The following CTNNA3 variants were observed in gnomAD, a reference collection of about 807,000 sequenced individuals.
CTNNA3 encodes catenin alpha 3, also known as catenin alpha-3.
Under a neutral mutation model 95.7 loss-of-function variants are expected in CTNNA3, and 76 were observed. The ratio of observed to expected loss-of-function variants is 0.79; its 90% CI spans 0.66 to 0.96. CTNNA3 has a LOEUF of 0.96. CTNNA3 is among the 40% of genes least tolerant of loss of function. The pLI is 0.00. For missense variants in CTNNA3, 1,191 were observed against 1,089.8 expected (o/e 1.09, Z -1.31); for synonymous variants, 431 against 374.4 (o/e 1.15, Z -1.74).
intron 9 of CTNNA3, among the ~76,000 whole-genome samples, chr10:66,648,134 A>G (rs1207739520): frequency 2.0e-5 from 3 of 152,096 alleles, no homozygotes; most frequent in Non-Finnish European, 2.9e-5. Context: ...CATTGGCCTA[A>G]CAGCTCTCAA....
At chr10:66,788,694 A>C (rs960265360) in intron 7 of CTNNA3, among the ~76,000 whole-genome samples, 1 of 152,186 alleles carries the variant, frequency 6.6e-6, no homozygotes, top group Non-Finnish European at 1.5e-5. Context: ...ATATAGATTT[A>C]ACATTATGCA....
At chr10:66,543,102 G>A (rs1011530811) in intron 10 of CTNNA3, among the ~76,000 whole-genome samples, 43 of 152,114 alleles carry the variant, frequency 2.8e-4, no homozygotes, top group African/African-American at 9.9e-4. Flanking sequence ...AATTTTGTTT[G>A]TTTGTTTGTT....
intron 7 of CTNNA3, among the ~76,000 whole-genome samples, chr10:66,997,618 T>A (rs2132966183): frequency 6.6e-6 from 1 of 152,294 alleles, no homozygotes; most frequent in East Asian, 1.9e-4. Context: ...GGGTTCTGGA[T>A]GTTCTTCCCC....
At chr10:66,598,000 T>C (rs1392147954) in intron 10 of CTNNA3, among the ~76,000 whole-genome samples, 1 of 152,036 alleles carries the variant, frequency 6.6e-6, no homozygotes, top group Non-Finnish European at 1.5e-5. Flanking sequence ...ATATCCCTGA[T>C]AAATGTAGAT....
chr10:67,060,812 A>T (rs1409907315), intron 7 of CTNNA3, among the ~76,000 whole-genome samples: 1 of 152,066 alleles, frequency 6.6e-6, no homozygotes, highest in Non-Finnish European at 1.5e-5. Context: ...CTCCCAGTAC[A>T]AATGGTTGTG....
intron 13 of CTNNA3, among the ~76,000 whole-genome samples, chr10:66,117,945 G>GAAGAGAGAGAGA (rs2082408132): frequency 6.6e-6 from 1 of 152,144 alleles, no homozygotes; most frequent in African/African-American, 2.4e-5. Context: ...TTCTAAAGCA[G>GAAGAGAGAGAGA]CCCAAGAGAG....
At chr10:66,363,830 A>G (rs1002363855) in intron 12 of CTNNA3, among the ~76,000 whole-genome samples, 3 of 152,204 alleles carry the variant, frequency 2.0e-5, no homozygotes, top group East Asian at 3.9e-4. Context: ...AATAATAACA[A>G]CAATAATGTT....
chr10:66,449,438 T>C (rs1214397712), intron 11 of CTNNA3, among the ~76,000 whole-genome samples: 1 of 152,160 alleles, frequency 6.6e-6, no homozygotes, highest in Non-Finnish European at 1.5e-5. Context: ...GTGGTCAAAA[T>C]TACATGAAAC....
At chr10:66,463,879 C>A (rs920107310) in intron 11 of CTNNA3, among the ~76,000 whole-genome samples, 13 of 143,994 alleles carry the variant, frequency 9.0e-5, no homozygotes, top group Non-Finnish European at 1.5e-4. Flanking sequence ...GGAGCAGTCA[C>A]TTTCCAATTT....
intron 5 of CTNNA3, among the ~76,000 whole-genome samples, chr10:67,266,993 G>A (rs149274138): frequency 1.9e-4 from 29 of 152,196 alleles, no homozygotes; most frequent in African/African-American, 6.5e-4. Context: ...TTTTGTTGTT[G>A]AAAGCTTTTG....
At chr10:66,696,954 A>C (rs1235975733) in intron 9 of CTNNA3, among the ~76,000 whole-genome samples, 3 of 151,940 alleles carry the variant, frequency 2.0e-5, no homozygotes, top group African/African-American at 7.3e-5. Context: ...AAAATAAAAT[A>C]AAATGTTCTC....
chr10:67,146,126 T>A (rs966233427), intron 7 of CTNNA3, among the ~76,000 whole-genome samples: 2 of 152,170 alleles, frequency 1.3e-5, no homozygotes, highest in African/African-American at 4.8e-5. Flanking sequence ...ATCAGATACT[T>A]TCTTGAAATT....
At chr10:67,232,890 A>T (rs1477752512) in intron 5 of CTNNA3, among the ~76,000 whole-genome samples, 3 of 152,104 alleles carry the variant, frequency 2.0e-5, no homozygotes, top group African/African-American at 7.2e-5. Flanking sequence ...ACTTTAAACC[A>T]ACAAAGATCA....
Position 67,606,994 on chromosome 10 carries a change from G to T in CTNNA3, c.155C>A (p.Ser52Ter). 1 of 1,613,982 alleles carries T rather than the reference G, an allele frequency of 6.2e-7. No homozygotes were observed. Among genetic ancestry groups the T allele is most frequent in the Non-Finnish European group, 8.5e-7 (1 of 1,179,924 alleles). ...QNPSSRKKGR[S>*]KRASVLLASV... ...AGCTAGAAGGACACTGGCTCTTTTC[G>T]AACGTCCTTTTTTCCTGCTGGAAGG... is the stretch of plus-strand genomic sequence containing the variant. The change falls in exon 3 of 18, where the codon TCG (serine) becomes TAG (stop). Residue 52 changes from serine (S) to a stop codon, truncating the protein, a stop_gained. Coordinates refer to ENST00000433211, the MANE Select transcript of CTNNA3 (RefSeq NM_013266.4). LOFTEE classifies it high-confidence loss of function.
intron 5 of CTNNA3, among the ~76,000 whole-genome samples, chr10:67,499,701 T>C (rs1839166165): frequency 1.3e-5 from 2 of 152,328 alleles, no homozygotes; most frequent in South Asian, 4.1e-4. Context: ...TTCTTCGAGA[T>C]TTTCTAGTTT....
At chr10:67,760,180 T>C (rs1841455038) in intron 1 of CTNNA3, among the ~76,000 whole-genome samples, 1 of 152,150 alleles carries the variant, frequency 6.6e-6, no homozygotes, top group Non-Finnish European at 1.5e-5. Context: ...ACAATTAAGG[T>C]GTCAGTATCA....
chr10:65,965,596 G>A (rs1317943759), intron 17 of CTNNA3, among the ~76,000 whole-genome samples: 2 of 151,606 alleles, frequency 1.3e-5, no homozygotes, highest in Admixed American at 6.6e-5. Context: ...GTAGAGACAG[G>A]GTTTCACCAT....
At chr10:67,037,261 T>A (rs1335716089) in intron 7 of CTNNA3, among the ~76,000 whole-genome samples, 2 of 152,084 alleles carry the variant, frequency 1.3e-5, no homozygotes, top group African/African-American at 4.8e-5. Context: ...ACTTTAGAGA[T>A]ATTTAATCAT....
intron 12 of CTNNA3, among the ~76,000 whole-genome samples, chr10:66,355,878 G>A (rs1416606208): frequency 1.5e-5 from 2 of 133,604 alleles, no homozygotes; most frequent in African/African-American, 5.5e-5. Context: ...TGTATATAAT[G>A]TAAGGCATAA....
Sources: allele counts gnomAD v4.1 joint callset (sites outside exome capture counted in the v4.1 genomes callset), GRCh38; gene constraint gnomAD v4.1.1; transcripts MANE v1.5; gene names NCBI Gene and HGNC (gene_info 2026-07-23, HGNC 2026-07-21).